Variants in PCBP3 observed in about 807,000 individuals in gnomAD.
PCBP3 encodes poly(rC)-binding protein 3.
A neutral mutation model predicts 52.7 loss-of-function variants in PCBP3; 25 were observed. The observed-to-expected ratio is 0.47, with a 90% CI of 0.35 to 0.66. PCBP3 has a LOEUF of 0.66. Ranked by LOEUF, PCBP3 falls within the 30% of genes least tolerant of loss-of-function variation. The pLI is 0.01. For synonymous variants in PCBP3, 162 were observed against 183.0 expected (o/e 0.89, Z 0.93); for missense variants, 391 against 490.3 (o/e 0.80, Z 1.91).
intron 3 of PCBP3, among the ~76,000 whole-genome samples, 197 bp from the exon 4 acceptor site, chr21:45,755,220 T>G (rs1330729537): frequency 6.6e-6 from 1 of 152,234 alleles, no homozygotes; most frequent in African/African-American, 2.4e-5. Context: ...TGACTCTGCT[T>G]TATCCCTTGC....
At chr21:45,658,366 C>T (rs756562305) in intron 1 of PCBP3, among the ~76,000 whole-genome samples, 14 of 152,110 alleles carry the variant, frequency 9.2e-5, no homozygotes, top group African/African-American at 1.9e-4. Context: ...TGCAGAGGTG[C>T]GATCTCAGCT....
chr21:45,885,362 G>C (rs1049165448), intron 5 of PCBP3, among the ~76,000 whole-genome samples: 8 of 152,150 alleles, frequency 5.3e-5, no homozygotes, highest in African/African-American at 1.4e-4. Flanking sequence ...ATGTGTGTTT[G>C]TGTGGATTTC....
intron 3 of PCBP3, chr21:45,744,094 T>C (rs1172622296): frequency 6.6e-6 from 1 of 151,088 alleles, no homozygotes; most frequent in Non-Finnish European, 1.5e-5. Flanking sequence ...TTTTTAGGTA[T>C]ATAGGTAAAA....
At chr21:45,898,227 G>T (rs935454779) in intron 6 of PCBP3, among the ~76,000 whole-genome samples, 1 of 152,166 alleles carries the variant, frequency 6.6e-6, no homozygotes, top group African/African-American at 2.4e-5. Flanking sequence ...CTCTGTGGGG[G>T]AGGTGCCATG....
chr21:45,768,973 C>T (rs139006154), intron 4 of PCBP3, among the ~76,000 whole-genome samples: 1 of 152,372 alleles, frequency 6.6e-6, no homozygotes, highest in Non-Finnish European at 1.5e-5. Context: ...GAGCACGTGT[C>T]AGGACTTCCA....
At chr21:45,918,666 G>A (rs371141612) in intron 13 of PCBP3, 70 of 83,066 alleles carry the variant, frequency 8.4e-4, no homozygotes, top group African/African-American at 4.8e-4. Flanking sequence ...CAGATAAACC[G>A]TCGGTGTAAT....
chr21:45,723,568 A>C (rs2084816651), intron 2 of PCBP3, among the ~76,000 whole-genome samples: 1 of 152,250 alleles, frequency 6.6e-6, no homozygotes, highest in African/African-American at 2.4e-5. Flanking sequence ...ATTTTGTAAG[A>C]TTGAAACATG....
At chr21:45,820,063 G>A (rs1028206583) in intron 4 of PCBP3, among the ~76,000 whole-genome samples, 1 of 152,258 alleles carries the variant, frequency 6.6e-6, no homozygotes, top group Non-Finnish European at 1.5e-5. Context: ...GTCTTCCCTG[G>A]AGACTGGGTC....
chr21:45,724,508 G>C lies in PCBP3; in HGVS notation c.-199-10884G>C, dbSNP rs1044879565. Among the ~76,000 whole-genome samples the C allele has an allele frequency of 6.6e-6, 1 of 152,204 alleles. No homozygotes were observed. The highest frequency in any genetic ancestry group is 1.5e-5 in the Non-Finnish European group (1 of 68,032). On this transcript the variant is annotated intron_variant, in intron 2 of 17. Coordinates refer to ENST00000681687, the MANE Select transcript of PCBP3 (RefSeq NM_001384156.1). This position sits in a 1 kb window ranked among gnomAD's most constrained non-coding sequence, Gnocchi z 5.3. Reference sequence around the variant, plus strand: ...AGTCCCAGCCCTGCCCCTGCCAAGCGAGGTGGGGACAGCTGGGAATCTCGC... The same window carrying C: ...AGTCCCAGCCCTGCCCCTGCCAAGCCAGGTGGGGACAGCTGGGAATCTCGC...
At chr21:45,819,810 C>T (rs1210225561) in intron 4 of PCBP3, among the ~76,000 whole-genome samples, 2 of 152,234 alleles carry the variant, frequency 1.3e-5, no homozygotes, top group Admixed American at 6.5e-5. Flanking sequence ...GATGGGTGTG[C>T]GGGCACAGGG....
chr21:45,889,565 T>C (rs2095603081), intron 5 of PCBP3, among the ~76,000 whole-genome samples: 1 of 152,164 alleles, frequency 6.6e-6, no homozygotes, highest in Admixed American at 6.5e-5. Flanking sequence ...ACGGCCAGCC[T>C]CCTCCTCCCT....
At chr21:45,855,478 T>C (rs546893717) in intron 5 of PCBP3, among the ~76,000 whole-genome samples, 36 of 151,964 alleles carry the variant, frequency 2.4e-4, no homozygotes, top group Non-Finnish European at 4.3e-4. Context: ...GGGGCATGCG[T>C]GGGAAGGCCT....
intron 13 of PCBP3, among the ~76,000 whole-genome samples, chr21:45,920,852 C>T (rs2074340000): frequency 6.6e-6 from 1 of 152,238 alleles, no homozygotes; most frequent in African/African-American, 2.4e-5. Flanking sequence ...GCCCCCATAA[C>T]TGTGAGCCAC....
intron 2 of PCBP3, among the ~76,000 whole-genome samples, chr21:45,708,192 C>T (rs2148092172): frequency 6.6e-6 from 1 of 152,256 alleles, no homozygotes; most frequent in South Asian, 2.1e-4. Flanking sequence ...TGTTTGGGAT[C>T]ACCATGTGGG....
At chr21:45,933,028 T>A (rs1170087177) in intron 15 of PCBP3, among the ~76,000 whole-genome samples, 1 of 151,498 alleles carries the variant, frequency 6.6e-6, no homozygotes, top group Non-Finnish European at 1.5e-5. Context: ...TTGAGATGAA[T>A]GAACACATCA....
intron 5 of PCBP3, among the ~76,000 whole-genome samples, chr21:45,851,280 C>T (rs373672479): frequency 6.6e-5 from 10 of 152,228 alleles, no homozygotes; most frequent in East Asian, 1.9e-4. Flanking sequence ...TTTGGGAGGC[C>T]GAGGTGGGTA....
chr21:45,759,773 A>G (rs2088442897), intron 4 of PCBP3: 1 of 152,250 alleles, frequency 6.6e-6, no homozygotes. Context: ...CCACCAATCT[A>G]CAGTTTCAAA....
At chr21:45,795,992 A>G (rs753375547) in intron 4 of PCBP3, among the ~76,000 whole-genome samples, 27 of 152,216 alleles carry the variant, frequency 1.8e-4, no homozygotes, top group Admixed American at 1.3e-3. Context: ...ATGTAAATCA[A>G]CGAAACTGCC....
intron 4 of PCBP3, among the ~76,000 whole-genome samples, chr21:45,796,616 T>G (rs2091931646): frequency 6.6e-6 from 1 of 152,234 alleles, no homozygotes; most frequent in Non-Finnish European, 1.5e-5. Context: ...CCACATATTT[T>G]CTAGTTCTGT....
Sources: allele counts gnomAD v4.1 joint callset (sites outside exome capture counted in the v4.1 genomes callset), GRCh38; gene constraint gnomAD v4.1.1; non-coding constraint Gnocchi (gnomAD v3.1); transcripts MANE v1.5; gene names NCBI Gene and HGNC (gene_info 2026-07-23, HGNC 2026-07-21).